The following GRB10 variants were observed in gnomAD, a reference collection of about 807,000 sequenced individuals.
The protein encoded by GRB10 is growth factor receptor bound protein 10.
A neutral mutation model predicts 80.9 loss-of-function variants in GRB10; 20 were observed. The ratio of observed to expected loss-of-function variants is 0.25; its 90% CI spans 0.17 to 0.36. The LOEUF is 0.36. GRB10 is among the 10% of genes least tolerant of loss of function. The probability of loss-of-function intolerance (pLI) is 1.00; values close to 1 mark genes in which losing one functional copy is unlikely to be tolerated. For synonymous variants in GRB10, 291 were observed against 291.5 expected (o/e 1.00, Z 0.02); for missense variants, 548 against 747.7 (o/e 0.73, Z 3.12).
At chr7:50,733,032 G>T (rs1245034068) in intron 3 of GRB10, among the ~76,000 whole-genome samples, 1 of 152,212 alleles carries the variant, frequency 6.6e-6, no homozygotes, top group Non-Finnish European at 1.5e-5. Flanking sequence ...CTAAGCTGCA[G>T]CCCTAACTCC....
At chr7:50,719,922 C>A (rs929932418) in intron 4 of GRB10, among the ~76,000 whole-genome samples, 7 of 151,984 alleles carry the variant, frequency 4.6e-5, no homozygotes, top group Admixed American at 2.0e-4. Flanking sequence ...TACGCAGGAT[C>A]TCTGGCACCT....
In GRB10 at chr7:50,616,264, C is replaced by T; in HGVS notation, c.930G>A (p.Leu310=). 1.2e-6 allele frequency: 2 copies of T among 1,614,200 alleles called. No homozygotes were observed. The highest frequency in any genetic ancestry group is 1.7e-6 in the Non-Finnish European group (2 of 1,180,004). Residue 310 remains leucine, a synonymous_variant, in exon 11 of 19, where the codon CTG becomes CTA. Transcript: ENST00000401949. ...GGCCAGATCTCCGCAAACACACATACAGCTTTTTCCATGATTTCTTTCCCA... is the reference window on the plus strand; with the variant it reads ...GGCCAGATCTCCGCAAACACACATATAGCTTTTTCCATGATTTCTTTCCCA... ...KELGKKSWKK[L]YVCLRRSGLY...
intron 17 of GRB10, among the ~76,000 whole-genome samples, chr7:50,599,702 C>A (rs2047275370): frequency 6.6e-6 from 1 of 152,214 alleles, no homozygotes; most frequent in Non-Finnish European, 1.5e-5. Flanking sequence ...GGTGATGCTT[C>A]TATCGCTTTA....
intron 4 of GRB10, chr7:50,726,122 A>C (rs2153688473): frequency 6.6e-6 from 1 of 152,382 alleles, no homozygotes; most frequent in Non-Finnish European, 1.5e-5. Flanking sequence ...GGCTGGGTGC[A>C]GTGGCTCACC....
intron 8 of GRB10, among the ~76,000 whole-genome samples, chr7:50,622,867 T>C (rs1367486408): frequency 2.6e-5 from 4 of 152,166 alleles, no homozygotes; most frequent in East Asian, 3.9e-4. Flanking sequence ...CACAGCTCTC[T>C]GCAGCCTCAA....
intron 8 of GRB10, among the ~76,000 whole-genome samples, chr7:50,625,400 T>A (rs752839736): frequency 4.6e-5 from 7 of 151,456 alleles, no homozygotes; most frequent in Non-Finnish European, 8.8e-5. Flanking sequence ...ATATATATAT[T>A]TTTTCATACA....
chr7:50,721,201 A>G (rs904983559), intron 4 of GRB10, among the ~76,000 whole-genome samples: 1 of 152,220 alleles, frequency 6.6e-6, no homozygotes, highest in Admixed American at 6.5e-5. Context: ...CCCACAGTCA[A>G]CTGTGGTCCA....
intron 4 of GRB10, among the ~76,000 whole-genome samples, chr7:50,717,413 G>GC (rs2067032020): frequency 6.6e-6 from 1 of 152,026 alleles, no homozygotes; most frequent in African/African-American, 2.4e-5. Flanking sequence ...TGCTGCCACC[G>GC]CAAGGAGAGA....
chr7:50,752,259 C>T (rs2074238759), intron 3 of GRB10, among the ~76,000 whole-genome samples: 2 of 152,106 alleles, frequency 1.3e-5, no homozygotes, highest in Non-Finnish European at 2.9e-5. Flanking sequence ...AAAGGATAAA[C>T]AGGAGATTCA....
intron 4 of GRB10, among the ~76,000 whole-genome samples, chr7:50,720,779 A>G (rs1451086888): frequency 6.6e-6 from 1 of 151,770 alleles, no homozygotes; most frequent in Admixed American, 6.6e-5. Context: ...AAAGTACACC[A>G]TTAAAAAAAA....
At chr7:50,678,740 T>C (rs1396811946) in intron 5 of GRB10, among the ~76,000 whole-genome samples, 1 of 152,208 alleles carries the variant, frequency 6.6e-6, no homozygotes, top group Admixed American at 6.5e-5. Context: ...CCTATGGCGT[T>C]TATTCTGTCA....
At chr7:50,674,371 G>C (rs969392103) in intron 6 of GRB10, 65 bp downstream of exon 6, 37 of 1,471,040 alleles carry the variant, frequency 2.5e-5, no homozygotes, top group Non-Finnish European at 3.3e-5. Context: ...AACTCACAGA[G>C]AGCAGTGTCC....
rs368079076 is a variant in GRB10, at chr7:50,626,926, G to A, written c.557C>T (p.Ala186Val). ...GCACAGGTCTCTGGCTGTCATGTCTGCTAGAATCTCCACCACTTTGCTTGT... is the reference window on the plus strand; with the variant it reads ...GCACAGGTCTCTGGCTGTCATGTCTACTAGAATCTCCACCACTTTGCTTGT... The part of the protein sequence containing the change: ...DGTSKVVEIL[A>V]DMTARDLCQL... The change falls in exon 8 of 19, where the codon GCA becomes GTA. Residue 186 changes from alanine (A) to valine (V), a missense_variant. Physicochemically the swap from Ala to Val is moderately conservative, Grantham distance 64. This residue lies in a region of GRB10 where 270 missense variants were observed against 433.6 expected (regional missense o/e 0.62). Coordinates refer to ENST00000401949, the MANE Select transcript of GRB10 (RefSeq NM_001350814.2). 3 of 1,614,014 alleles carry A rather than the reference G, an allele frequency of 1.9e-6. No homozygotes were observed. Among genetic ancestry groups the A allele is most frequent in the African/African-American group, 2.7e-5 (2 of 74,890 alleles).
intron 4 of GRB10, among the ~76,000 whole-genome samples, chr7:50,705,839 G>A (rs2064971210): frequency 6.6e-6 from 1 of 152,202 alleles, no homozygotes; most frequent in Non-Finnish European, 1.5e-5. Context: ...AGACAGTTTG[G>A]AGCACACAGT....
chr7:50,783,590 T>C (rs1377349342), upstream of GRB10, among the ~76,000 whole-genome samples: 1 of 151,154 alleles, frequency 6.6e-6, no homozygotes, highest in African/African-American at 2.4e-5. Flanking sequence ...CACACGAGCC[T>C]GCAATGATGG....
chr7:50,779,195 G>A (rs2078021384), intron 2 of GRB10: 1 of 152,126 alleles, frequency 6.6e-6, no homozygotes, highest in Non-Finnish European at 1.5e-5. Context: ...GAACACAGGG[G>A]GAAATGCATT....
chr7:50,756,548 A>G (rs765853721), intron 2 of GRB10, among the ~76,000 whole-genome samples: 53 of 152,334 alleles, frequency 3.5e-4, no homozygotes, highest in African/African-American at 1.1e-3. Context: ...CATGGAGCAC[A>G]TGTGTTCCAC....
At chr7:50,696,666 G>T (rs1388268705) in intron 5 of GRB10, among the ~76,000 whole-genome samples, 2 of 152,132 alleles carry the variant, frequency 1.3e-5, no homozygotes, top group African/African-American at 4.8e-5. Flanking sequence ...CTCTGCTTGG[G>T]TTATGAGCAG....
At chr7:50,729,685 A>C (rs547012847) in intron 4 of GRB10, among the ~76,000 whole-genome samples, 1 of 152,218 alleles carries the variant, frequency 6.6e-6, no homozygotes, top group Admixed American at 6.5e-5. Flanking sequence ...TGATTTTAAA[A>C]ATGGCAGACA....
Sources: allele counts gnomAD v4.1 joint callset (sites outside exome capture counted in the v4.1 genomes callset), GRCh38; gene constraint gnomAD v4.1.1; regional missense constraint gnomAD v4.1.1; transcripts MANE v1.5; gene names NCBI Gene and HGNC (gene_info 2026-07-23, HGNC 2026-07-21).